Variants in ENTREP1 observed in about 807,000 individuals in gnomAD.
ENTREP1 encodes the protein Friedreich ataxia region gene X123.
chr9:69,329,683 C>G, the ENTREP1 span: 1 of 984,834 alleles, frequency 1.0e-6, no homozygotes, highest in African/African-American at 1.7e-5. Flanking sequence ...GAAAAACAAC[C>G]TGGCATTTGA....
chr9:69,370,284 G>A, the ENTREP1 span, among the ~76,000 whole-genome samples: 1 of 152,264 alleles, frequency 6.6e-6, no homozygotes, highest in East Asian at 1.9e-4. Flanking sequence ...AGATCTCTTT[G>A]AGTAGCAACT....
At chr9:69,331,856 G>A in the ENTREP1 span, among the ~76,000 whole-genome samples, 1 of 152,118 alleles carries the variant, frequency 6.6e-6, no homozygotes, top group Non-Finnish European at 1.5e-5. Context: ...TTAAACATTT[G>A]ATAGCATTGT....
At chr9:69,371,442 C>A in the ENTREP1 span, 2 of 1,177,536 alleles carry the variant, frequency 1.7e-6, no homozygotes, top group Non-Finnish European at 2.6e-6. Flanking sequence ...TCAGGTAAAA[C>A]TCTGTCTGAA....
chr9:69,334,508 A>G, the ENTREP1 span, among the ~76,000 whole-genome samples: 4 of 152,232 alleles, frequency 2.6e-5, no homozygotes, highest in African/African-American at 7.2e-5. Flanking sequence ...ACTGATCTGT[A>G]GTTGATAAAC....
At chr9:69,379,991 C>T in the ENTREP1 span, 1 of 152,210 alleles carries the variant, frequency 6.6e-6, no homozygotes, top group African/African-American at 2.4e-5. Flanking sequence ...CTGAGACAGC[C>T]TCTGGCCAAA....
the ENTREP1 span, among the ~76,000 whole-genome samples, chr9:69,351,208 T>C: frequency 6.6e-6 from 1 of 152,224 alleles, no homozygotes; most frequent in African/African-American, 2.4e-5. Context: ...AAAAAATAGA[T>C]TACCCAGTAA....
the ENTREP1 span, among the ~76,000 whole-genome samples, chr9:69,362,703 G>A: frequency 1.4e-3 from 220 of 152,268 alleles, no homozygotes; most frequent in Middle Eastern, 0.01. Context: ...TAACATTTGA[G>A]TCAGTGGGCG....
At chr9:69,375,560 G>A in the ENTREP1 span, among the ~76,000 whole-genome samples, 1 of 152,290 alleles carries the variant, frequency 6.6e-6, no homozygotes, top group East Asian at 1.9e-4. Context: ...GAAAGCCACT[G>A]AAATTTAGGT....
chr9:69,367,275 A>G, the ENTREP1 span, among the ~76,000 whole-genome samples: 1 of 151,728 alleles, frequency 6.6e-6, no homozygotes, highest in Non-Finnish European at 1.5e-5. Flanking sequence ...TTTGGTTACT[A>G]TAACCTTTGA....
the ENTREP1 span, among the ~76,000 whole-genome samples, chr9:69,372,603 TG>T: frequency 6.6e-6 from 1 of 152,230 alleles, no homozygotes; most frequent in South Asian, 2.1e-4. Flanking sequence ...ATATTTAGGT[TG>T]GCCCCCACTC....
chr9:69,385,761 CTCT>C, the ENTREP1 span: 9 of 1,409,586 alleles, frequency 6.4e-6, no homozygotes, highest in Admixed American at 3.4e-5. Flanking sequence ...TATGTTTCGC[CTCT>C]TTTTTTTTTT....
At chr9:69,387,824 C>A in the ENTREP1 span, 1 of 1,145,702 alleles carries the variant, frequency 8.7e-7, no homozygotes, top group Non-Finnish European at 1.1e-6. Flanking sequence ...CTGCTTGGCC[C>A]ATCCATCCCC....
At chr9:69,376,896 C>T in the ENTREP1 span, among the ~76,000 whole-genome samples, 1 of 152,150 alleles carries the variant, frequency 6.6e-6, no homozygotes, top group African/African-American at 2.4e-5. Context: ...GTGTCCTCGT[C>T]GTGTGCATGG....
At chr9:69,345,583 T>G in the ENTREP1 span, among the ~76,000 whole-genome samples, 6 of 152,216 alleles carry the variant, frequency 3.9e-5, no homozygotes, top group Non-Finnish European at 5.9e-5. Context: ...TGGGAGCTCA[T>G]TAGCCTTCTT....
At chr9:69,388,096 G>A in the ENTREP1 span, 8 of 1,613,160 alleles carry the variant, frequency 5.0e-6, no homozygotes, top group South Asian at 8.8e-5. Flanking sequence ...GTGCTTTCAG[G>A]TACAGGCATA....
the ENTREP1 span, among the ~76,000 whole-genome samples, chr9:69,355,901 C>A: frequency 6.6e-6 from 1 of 152,100 alleles, no homozygotes; most frequent in African/African-American, 2.4e-5. Context: ...GAGTAGTGTT[C>A]CAGGAGGCCT....
the ENTREP1 span, among the ~76,000 whole-genome samples, chr9:69,389,019 A>G: frequency 2.6e-5 from 4 of 152,242 alleles, no homozygotes; most frequent in African/African-American, 9.6e-5. Flanking sequence ...GGGCATGAAC[A>G]TAATCCAGTT....
the ENTREP1 span, among the ~76,000 whole-genome samples, chr9:69,352,132 T>C: frequency 6.6e-6 from 1 of 152,220 alleles, no homozygotes; most frequent in Non-Finnish European, 1.5e-5. Flanking sequence ...TTTTTCTTTT[T>C]TTGAGACAGA....
the ENTREP1 span, chr9:69,383,899 G>A: frequency 6.4e-7 from 1 of 1,572,660 alleles, no homozygotes; most frequent in East Asian, 2.2e-5. Context: ...TCTAATGAGG[G>A]GTGAGTTAAA....
Sources: gnomAD v4.1 joint callset for allele counts (sites outside exome capture counted in the v4.1 genomes callset) on GRCh38, gnomAD v4.1.1 for gene constraint, MANE v1.5 for transcripts, NCBI Gene and HGNC (gene_info 2026-07-23, HGNC 2026-07-21) for gene names.